Variants in ZNF721 observed in about 807,000 individuals in gnomAD.
ZNF721 encodes the protein zinc finger protein 721.
A neutral mutation model predicts 2.4 loss-of-function variants in ZNF721; 2 were observed. That is an observed-to-expected ratio of 0.82 (90% confidence interval 0.34 to 2.58). The LOEUF (loss-of-function observed/expected upper bound fraction) is 2.58, where lower values mean the gene tolerates loss of function less well. ZNF721 is among the 30% of genes most tolerant of loss of function. The pLI is 0.11. For synonymous variants in ZNF721, 398 were observed against 381.8 expected, an observed-to-expected ratio of 1.04 and a Z score of -0.50; for missense variants, 1,187 against 1,085.5, an observed-to-expected ratio of 1.09 and a Z score of -1.31.
In ZNF721 at chr4:444,076, G is replaced by T. The variant is rs1553863843; in HGVS notation, c.391C>A (p.His131Asn). The T allele has an allele frequency of 6.2e-7, 1 of 1,614,092 alleles. No individual in the cohort carries two copies. The highest frequency in any genetic ancestry group is 8.5e-7 in the Non-Finnish European group (1 of 1,179,980). ...FSDLTQHKGI[H>N]AGEKPYTCEE... ...CAAGTGTAGGGTTTCTCTCCAGCAT[G>T]AATTCCTTTATGTTGAGTTAGGTCT... Residue 131 changes from histidine (H) to asparagine (N), a missense_variant, in exon 3 of 3, where the codon CAT (histidine) becomes AAT (asparagine). By Grantham distance (68) the His-to-Asn change is moderately conservative (BLOSUM62 1). Coordinates refer to ENST00000511833, the MANE Select transcript of ZNF721 (RefSeq NM_133474.4).
intron 2 of ZNF721, among the ~76,000 whole-genome samples, chr4:468,968 A>G (rs1560236732): frequency 1.3e-5 from 2 of 152,174 alleles, no homozygotes; most frequent in Admixed American, 6.5e-5. Flanking sequence ...AAAGAAGAAA[A>G]AATGTTACTG....
intron 2 of ZNF721, among the ~76,000 whole-genome samples, chr4:448,106 C>T (rs1435908718): frequency 1.3e-5 from 2 of 152,130 alleles, no homozygotes; most frequent in South Asian, 2.1e-4. Flanking sequence ...AGAATACACA[C>T]CTTCCTGAAT....
chr4:471,117 T>A (rs1038371591), intron 2 of ZNF721, among the ~76,000 whole-genome samples: 1 of 152,174 alleles, frequency 6.6e-6, no homozygotes, highest in Non-Finnish European at 1.5e-5. Flanking sequence ...AGGTTAGATT[T>A]TTTTTCCCAA....
Position 472,575 on chromosome 4 carries a change from C to T in ZNF721, c.34G>A (p.Ala12Thr). ...AATTATGCATTAAAGTTATCCTCACCTAGGGAGACCAGGTTTCTGTAGTTC... is the reference window on the plus strand; with the variant it reads ...AATTATGCATTAAAGTTATCCTCACTTAGGGAGACCAGGTTTCTGTAGTTC... ...LENYRNLVSL[A>T]MCSHFTQDFL... The change falls in exon 2 of 3, where the codon GCT becomes ACT. Residue 12 changes from alanine (A) to threonine (T), a missense_variant and splice_region_variant. By Grantham distance (58) the Ala-to-Thr change is moderately conservative. Coordinates refer to ENST00000511833, the MANE Select transcript of ZNF721 (RefSeq NM_133474.4). 1 of 1,610,282 alleles carries T rather than the reference C, an allele frequency of 6.2e-7. No individual in the cohort carries two copies. Among genetic ancestry groups the T allele is most frequent in the South Asian group, 1.1e-5 (1 of 90,360 alleles).
chr4:495,371 A>C (rs1392235589), intron 1 of ZNF721, among the ~76,000 whole-genome samples: 12 of 151,794 alleles, frequency 7.9e-5, no homozygotes, highest in Admixed American at 2.6e-4. Flanking sequence ...GGAGAGAAAA[A>C]CAAAAACCAA....
At chr4:451,234 T>C (rs1428728434) in intron 2 of ZNF721, among the ~76,000 whole-genome samples, 2 of 152,108 alleles carry the variant, frequency 1.3e-5, no homozygotes, top group Non-Finnish European at 2.9e-5. Context: ...CAAACAATGG[T>C]CACCAAGTTC....
At chr4:456,918 C>CATCCATCATGAAACA (rs1553865493) in intron 2 of ZNF721, among the ~76,000 whole-genome samples, 8 of 151,886 alleles carry the variant, frequency 5.3e-5, no homozygotes, top group Non-Finnish European at 1.2e-4. Flanking sequence ...TGGAGGAGAA[C>CATCCATCATGAAACA]CTACATGAAA....
At chr4:459,549 G>C (rs1371496971) in intron 2 of ZNF721, among the ~76,000 whole-genome samples, 4 of 146,830 alleles carry the variant, frequency 2.7e-5, no homozygotes, top group African/African-American at 1.0e-4. Context: ...AACAGAAGGG[G>C]TCAGGTGCAG....
Position 486,165 on chromosome 4 carries a change from C to T in ZNF721, c.-94+12891G>A, listed in dbSNP as rs144129968. Among the ~76,000 whole-genome samples, 210 of 135,814 alleles carry T rather than the reference C, an allele frequency of 1.5e-3. 3 individuals are homozygous for T. Among genetic ancestry groups the T allele is most frequent in the Admixed American group, 2.7e-3 (36 of 13,276 alleles). The allele number at this position is 135,814 out of a possible 152,430, so 89.1% of individuals were successfully genotyped here. A position where few individuals can be genotyped will look rare whatever the true frequency, so the allele number is the denominator to read the frequency against. ...GTGTGATTTCTTTTTTTTTTCTTTT[C>T]TTTTTTTTTTTTGAGACGGAGTCTC... On this transcript the variant is annotated intron_variant, in intron 1 of 2. Transcript: ENST00000511833.
intron 2 of ZNF721, among the ~76,000 whole-genome samples, chr4:458,300 T>C (rs1714906601): frequency 6.6e-6 from 1 of 152,182 alleles, no homozygotes; most frequent in Admixed American, 6.5e-5. Flanking sequence ...CAAGCATGAA[T>C]TTCACTGCAG....
At chr4:488,437 C>G (rs1715947490) in intron 1 of ZNF721, among the ~76,000 whole-genome samples, 1 of 152,198 alleles carries the variant, frequency 6.6e-6, no homozygotes, top group African/African-American at 2.4e-5. Flanking sequence ...TCTATTCCCT[C>G]CACATCTAAA....
At chr4:474,252 G>T in intron 1 of ZNF721, 2 of 356,094 alleles carry the variant, frequency 5.6e-6, no homozygotes, top group South Asian at 2.1e-5. Flanking sequence ...CAGGCTTCAC[G>T]CCCTCAGGCT....
chr4:474,442 G>A (rs1265130247), intron 1 of ZNF721, among the ~76,000 whole-genome samples: 2 of 151,978 alleles, frequency 1.3e-5, no homozygotes, highest in East Asian at 1.9e-4. Context: ...ACGCGCGCGC[G>A]CACACACACA....
intron 1 of ZNF721, chr4:474,239 G>T (rs373903396): frequency 1.4e-5 from 5 of 369,886 alleles, no homozygotes; most frequent in South Asian, 4.2e-5. Context: ...TTGGATATGG[G>T]TCCAGGCTTC....
chr4:478,434 G>T (rs1293173093), intron 1 of ZNF721, among the ~76,000 whole-genome samples: 1 of 151,966 alleles, frequency 6.6e-6, no homozygotes, highest in Non-Finnish European at 1.5e-5. Flanking sequence ...GGTTGATCTT[G>T]AACTGTTTGC....
intron 2 of ZNF721, among the ~76,000 whole-genome samples, chr4:458,397 T>C (rs555247032): frequency 1.8e-4 from 27 of 152,306 alleles, no homozygotes; most frequent in African/African-American, 5.5e-4. Flanking sequence ...CAACAGAAGA[T>C]ATTTACCTCC....
At chr4:474,927 G>T (rs915600616) in intron 1 of ZNF721, among the ~76,000 whole-genome samples, 1 of 151,958 alleles carries the variant, frequency 6.6e-6, no homozygotes, top group Non-Finnish European at 1.5e-5. Flanking sequence ...AGTGGCTCAC[G>T]CCTGTAATCC....
At chr4:449,956 G>C (rs1340514576) in intron 2 of ZNF721, among the ~76,000 whole-genome samples, 1 of 152,110 alleles carries the variant, frequency 6.6e-6, no homozygotes, top group Non-Finnish European at 1.5e-5. Context: ...TTGTAAGTTA[G>C]TAGAGCCATT....
chr4:441,667 G>C lies in ZNF721; in HGVS notation c.*28C>G, dbSNP rs1305841991. 2 of 1,546,602 alleles carry C rather than the reference G, an allele frequency of 1.3e-6. No individual in the cohort carries two copies. The highest frequency in any genetic ancestry group is 1.8e-6 in the Non-Finnish European group (2 of 1,138,188). On this transcript the variant is annotated 3_prime_UTR_variant, in exon 3 of 3. Transcript: ENST00000511833. ...TTCTCTTATGTTTAAGAATGCTGTA[G>C]TATGACTTAAAGGCTTTGCCACATT... is the stretch of plus-strand genomic sequence containing the variant.
Sources: allele counts gnomAD v4.1 joint callset (sites outside exome capture counted in the v4.1 genomes callset), GRCh38; gene constraint gnomAD v4.1.1; transcripts MANE v1.5; gene names NCBI Gene and HGNC (gene_info 2026-07-23, HGNC 2026-07-21).